PSD3: variants seen among roughly 807,000 people sequenced by gnomAD.
The protein encoded by PSD3 is pleckstrin and Sec7 domain containing 3, also known as PH and SEC7 domain-containing protein 3.
A neutral mutation model predicts 105.5 loss-of-function variants in PSD3; 49 were observed. The observed-to-expected ratio is 0.46, with a 90% CI of 0.37 to 0.59. PSD3 has a LOEUF of 0.59. Among genes scored for constraint, PSD3 ranks in the 20% least tolerant of loss-of-function variants. The probability of loss-of-function intolerance (pLI) is 0.00; values close to 1 mark genes in which losing one functional copy is unlikely to be tolerated. For synonymous variants in PSD3, 557 were observed against 457.8 expected (o/e 1.22, Z -2.77); for missense variants, 1,561 against 1,263.8 (o/e 1.24, Z -3.57).
intron 1 of PSD3, among the ~76,000 whole-genome samples, chr8:19,051,857 G>A (rs985301590): frequency 6.6e-5 from 10 of 152,182 alleles, no homozygotes; most frequent in African/African-American, 2.4e-4. Context: ...CAGTCTACAG[G>A]AGTAAGATCT....
intron 1 of PSD3, among the ~76,000 whole-genome samples, chr8:19,020,624 G>A (rs1322837896): frequency 6.6e-6 from 1 of 152,012 alleles, no homozygotes; most frequent in Non-Finnish European, 1.5e-5. Context: ...TGTATTGGAA[G>A]CAAGGAGGTA....
intron 14 of PSD3, among the ~76,000 whole-genome samples, chr8:18,571,131 G>A (rs986514611): frequency 2.6e-5 from 4 of 152,046 alleles, no homozygotes; most frequent in Non-Finnish European, 5.9e-5. Context: ...AAAGTGCTGG[G>A]ATTACAGGCA....
At position 18,692,845 on chromosome 8, in the gene PSD3, G is replaced by C. The variant is rs539072821; in HGVS notation, c.2173-37160C>G. On this transcript the variant is annotated intron_variant, in intron 9 of 15. Coordinates refer to ENST00000327040, the MANE Select transcript of PSD3 (RefSeq NM_015310.4). Reference sequence around the variant, plus strand: ...GTTATTTTAACTCCTCACTGGATAAGGTCTCTCTGAAATTAAAGGATGGAG... The same window carrying C: ...GTTATTTTAACTCCTCACTGGATAACGTCTCTCTGAAATTAAAGGATGGAG... Among the ~76,000 whole-genome samples the C allele has an allele frequency of 2.0e-4, 31 of 152,226 alleles. No individual in the cohort carries two copies. The South Asian group carries it at 6.4e-3, about 32-fold the overall frequency.
intron 9 of PSD3, among the ~76,000 whole-genome samples, chr8:18,714,981 G>T (rs930914605): frequency 1.3e-5 from 2 of 152,104 alleles, no homozygotes; most frequent in Non-Finnish European, 2.9e-5. Context: ...TCTTTTGCAG[G>T]GACATGGATA....
At chr8:18,540,863 C>A (rs1021648325) in intron 15 of PSD3, among the ~76,000 whole-genome samples, 1 of 152,174 alleles carries the variant, frequency 6.6e-6, no homozygotes, top group African/African-American at 2.4e-5. Context: ...TGGGCCACCC[C>A]TTTCCCGTGG....
chr8:18,572,478 A>AT, intron 14 of PSD3, 50 bp downstream of exon 14: 1 of 1,584,092 alleles, frequency 6.3e-7, no homozygotes, highest in Non-Finnish European at 8.6e-7. Context: ...TTATCACATT[A>AT]TTTTACAAAG....
intron 12 of PSD3, among the ~76,000 whole-genome samples, chr8:18,585,891 C>T (rs936347850): frequency 2.0e-5 from 3 of 152,092 alleles, no homozygotes; most frequent in East Asian, 1.9e-4. Context: ...TGGAGTTTGA[C>T]AAGGCATGTC....
intron 1 of PSD3, among the ~76,000 whole-genome samples, chr8:19,072,725 A>C (rs1829311674): frequency 6.6e-6 from 1 of 152,168 alleles, no homozygotes; most frequent in Admixed American, 6.5e-5. Flanking sequence ...ATTCGGGTGG[A>C]TGGAGGACTG....
At chr8:18,610,745 C>T (rs1374935128) in intron 11 of PSD3, among the ~76,000 whole-genome samples, 1 of 152,064 alleles carries the variant, frequency 6.6e-6, no homozygotes, top group African/African-American at 2.4e-5. Context: ...TCAAAGTGTT[C>T]CCTAGTGGGG....
At chr8:18,777,754 C>T (rs764343160) in intron 8 of PSD3, among the ~76,000 whole-genome samples, 1 of 152,068 alleles carries the variant, frequency 6.6e-6, no homozygotes, top group African/African-American at 2.4e-5. Context: ...AAGAATAGGA[C>T]TTATTCCTTC....
intron 8 of PSD3, among the ~76,000 whole-genome samples, chr8:18,786,475 T>C (rs335243): frequency 0.055 from 8,425 of 152,300 alleles, 267 homozygotes; most frequent in Middle Eastern, 0.075. Context: ...AACTGCTTAT[T>C]TGGCAGTGCC....
intron 2 of PSD3, among the ~76,000 whole-genome samples, chr8:18,905,169 G>T (rs1283971030): frequency 6.6e-6 from 1 of 152,106 alleles, no homozygotes; most frequent in African/African-American, 2.4e-5. Flanking sequence ...CTCTCCATTG[G>T]TCAACTCAGC....
At chr8:19,027,876 A>G (rs1212704284) in intron 1 of PSD3, among the ~76,000 whole-genome samples, 1 of 152,158 alleles carries the variant, frequency 6.6e-6, no homozygotes, top group African/African-American at 2.4e-5. Context: ...AGTTTTGGCT[A>G]TTGCAAATAA....
At chr8:18,649,288 C>T (rs921721654) in intron 10 of PSD3, among the ~76,000 whole-genome samples, 1 of 152,188 alleles carries the variant, frequency 6.6e-6, no homozygotes, top group Non-Finnish European at 1.5e-5. Context: ...GCCTTGGGAG[C>T]CCACTCCTCA....
intron 1 of PSD3, among the ~76,000 whole-genome samples, chr8:18,959,396 C>T (rs1823773784): frequency 1.3e-5 from 2 of 152,132 alleles, no homozygotes; most frequent in Admixed American, 6.5e-5. Flanking sequence ...ATTCATACTA[C>T]CAAAATAACC....
At chr8:18,572,486 A>G in intron 14 of PSD3, 42 bp downstream of exon 14, 1 of 1,590,420 alleles carries the variant, frequency 6.3e-7, no homozygotes, top group Non-Finnish European at 8.6e-7. Context: ...TTATTTTACA[A>G]AGTACTTTTT....
Position 18,986,528 on chromosome 8 carries a change from T to A in PSD3, c.21+27035A>T, listed in dbSNP as rs537008744. On this transcript the variant is annotated intron_variant, in intron 1 of 15. Coordinates refer to ENST00000327040, the MANE Select transcript of PSD3 (RefSeq NM_015310.4). ...TCACTACACATTCTCAGGAAGTCCA[T>A]AAGCTCTTTCTTGAGATAAAATGGT... Among the ~76,000 whole-genome samples, 4 of 145,650 alleles carry A rather than the reference T, an allele frequency of 2.7e-5. No individual in the cohort carries two copies. The East Asian group carries it at 8.1e-4, about 29-fold the overall frequency.
chr8:18,960,900 C>A (rs143557173), intron 1 of PSD3, among the ~76,000 whole-genome samples: 230 of 152,072 alleles, frequency 1.5e-3, no homozygotes, highest in African/African-American at 4.9e-3. Flanking sequence ...GCCTGGGCAA[C>A]GTGGTAAAAC....
chr8:18,870,982 C>T (rs1410896823), intron 3 of PSD3, among the ~76,000 whole-genome samples: 1 of 152,098 alleles, frequency 6.6e-6, no homozygotes, highest in Non-Finnish European at 1.5e-5. Flanking sequence ...ACCTGTAGTC[C>T]CAGCTACTCA....
Sources: allele counts gnomAD v4.1 joint callset (sites outside exome capture counted in the v4.1 genomes callset), GRCh38; gene constraint gnomAD v4.1.1; transcripts MANE v1.5; gene names NCBI Gene and HGNC (gene_info 2026-07-23, HGNC 2026-07-21).